The following NOP14 variants were observed in gnomAD, a reference collection of about 807,000 sequenced individuals.
NOP14 encodes NOP14 nucleolar protein.
NOP14 carries 57 observed loss-of-function variants against 101.6 expected under a neutral mutation model. The ratio of observed to expected loss-of-function variants is 0.56; its 90% CI spans 0.45 to 0.70. NOP14 has a LOEUF of 0.70. Among genes scored for constraint, NOP14 ranks in the 30% least tolerant of loss-of-function variants. The probability of loss-of-function intolerance (pLI) is 0.00; values close to 1 mark genes in which losing one functional copy is unlikely to be tolerated. For synonymous variants in NOP14, 428 were observed against 424.0 expected (o/e 1.01, Z -0.12); for missense variants, 1,134 against 1,075.5 (o/e 1.05, Z -0.76).
At position 2,938,594 on chromosome 4, in the gene NOP14, G is replaced by C. The variant is rs761095725; in HGVS notation, c.*237C>G. The C allele has an allele frequency of 5.9e-4, 311 of 527,212 alleles. 1 individual carries two copies. Among genetic ancestry groups the C allele is most frequent in the Non-Finnish European group, 9.7e-4 (288 of 296,174 alleles). The allele number at this position is 527,212 out of a possible 1,614,324, so 32.7% of individuals were successfully genotyped here. On this transcript the variant is annotated 3_prime_UTR_variant, in exon 18 of 18. Transcript: ENST00000416614. ...CTCAATCACGGCTCACTGTAACCTTGGACTCAGCTCAAGCAGTCCTCCTGC... is the reference window on the plus strand; with the variant it reads ...CTCAATCACGGCTCACTGTAACCTTCGACTCAGCTCAAGCAGTCCTCCTGC...
In NOP14 at chr4:2,939,326, T is replaced by A. The variant is rs1286887083; in HGVS notation, c.2336A>T (p.Lys779Ile). 1.2e-6 allele frequency: 2 copies of A among 1,614,082 alleles called. No individual in the cohort carries two copies. Among genetic ancestry groups the A allele is most frequent in the Admixed American group, 3.3e-5 (2 of 60,032 alleles). Residue 779 changes from lysine to isoleucine, a missense_variant, in exon 17 of 18, where the codon AAA becomes ATA. Coordinates refer to ENST00000416614, the MANE Select transcript of NOP14 (RefSeq NM_001291978.2). ...CTGTTCCTCCTTACTACTGCCTTGT[T>A]TTCTTCCAAACTCGAGGCTACAACC... ...RLVKVLEFGR[K>I]QGSSKEEQER...
intron 15 of NOP14, chr4:2,941,268 G>A: frequency 2.8e-6 from 1 of 362,790 alleles, no homozygotes; most frequent in Middle Eastern, 8.1e-4. Flanking sequence ...GCGCGGCTCA[G>A]AGCTGACTGT....
chr4:2,945,527 C>A (rs1037605082), intron 11 of NOP14, among the ~76,000 whole-genome samples: 1 of 152,246 alleles, frequency 6.6e-6, no homozygotes, highest in Admixed American at 6.5e-5. Flanking sequence ...CTAAGTCCTA[C>A]ATTTTTAAGC....
chr4:2,960,706 A>AT (rs1210307597), intron 1 of NOP14, among the ~76,000 whole-genome samples: 2 of 134,414 alleles, frequency 1.5e-5, no homozygotes, highest in African/African-American at 5.9e-5. Flanking sequence ...CATTAATATT[A>AT]ATATATTAAT....
At chr4:2,947,166 A>C in intron 10 of NOP14, 1 of 302,192 alleles carries the variant, frequency 3.3e-6, no homozygotes, top group Non-Finnish European at 6.2e-6. Flanking sequence ...GGTTTCACTG[A>C]AGGGTGAGGG....
intron 14 of NOP14, 114 bp downstream of exon 14, chr4:2,942,078 A>G: frequency 9.0e-7 from 1 of 1,117,202 alleles, no homozygotes; most frequent in Non-Finnish European, 1.3e-6. Flanking sequence ...CCATCAAACC[A>G]AACGGCCGGG....
rs1418926134 is a variant in NOP14 at position 2,963,376 on chromosome 4, T to C, written c.-57A>G. On this transcript the variant is annotated 5_prime_UTR_variant, in exon 1 of 18. Coordinates refer to ENST00000416614, the MANE Select transcript of NOP14 (RefSeq NM_001291978.2). ...GACCCGAAGAGAGACAGGCGCGCGC[T>C]ACCCTAAGACACGTGCCGGGCCGCG... The C allele has an allele frequency of 4.1e-6, 6 of 1,481,322 alleles. No individual in the cohort carries two copies. Among genetic ancestry groups the C allele is most frequent in the Non-Finnish European group, 5.3e-6 (6 of 1,121,972 alleles). The allele number at this position is 1,481,322 out of a possible 1,614,324, so 91.8% of individuals were successfully genotyped here. A position where few individuals can be genotyped will look rare whatever the true frequency, so the allele number is the denominator to read the frequency against.
At chr4:2,949,666 A>G (rs1714881509) in intron 8 of NOP14, among the ~76,000 whole-genome samples, 1 of 152,150 alleles carries the variant, frequency 6.6e-6, no homozygotes, top group Non-Finnish European at 1.5e-5. Flanking sequence ...GAGGCTGACC[A>G]TATACTAAAA....
At chr4:2,941,898 G>A (rs1014384322) in intron 14 of NOP14, 169 bp from the exon 15 acceptor site, 2 of 779,532 alleles carry the variant, frequency 2.6e-6, no homozygotes, top group Admixed American at 2.8e-5. Flanking sequence ...GGCAGGCTCA[G>A]GGTCAGGCCT....
At chr4:2,957,096 G>A (rs1041483825) in intron 2 of NOP14, among the ~76,000 whole-genome samples, 2 of 152,150 alleles carry the variant, frequency 1.3e-5, no homozygotes, top group Non-Finnish European at 2.9e-5. Context: ...CTGACTCCCT[G>A]GTTCAAGTGA....
In NOP14 at chr4:2,945,325, C is replaced by T. The variant is rs187747690; in HGVS notation, c.1636-96G>A. 2,516 of 927,348 alleles carry T rather than the reference C, an allele frequency of 2.7e-3. 14 individuals carry two copies. The Middle Eastern group carries it at 0.028, about 10-fold the overall frequency. 57.4% of individuals were successfully genotyped at this position (927,348 alleles called of 1,614,324 possible). ...CTCCGGAGCCAAGAACAGGATCTGG[C>T]GAGGAGAGGGTGCATCTCCTTGGCC... is the stretch of plus-strand genomic sequence containing the variant. On this transcript the variant is annotated intron_variant, in intron 11 of 17. Coordinates refer to ENST00000416614, the MANE Select transcript of NOP14 (RefSeq NM_001291978.2).
chr4:2,960,798 TAATATATTAATATTATAATCACATTATC>T (rs1560310906), intron 1 of NOP14, among the ~76,000 whole-genome samples: 12,253 of 121,098 alleles, frequency 0.1, 1,671 homozygotes, highest in African/African-American at 0.15. Flanking sequence ...ACATTAATAT[TAATATATTAATATTATAATCACATTATC>T]AATATATTAA....
intron 15 of NOP14, 194 bp downstream of exon 15, chr4:2,941,388 G>A (rs2109291510): frequency 5.1e-6 from 3 of 591,428 alleles, no homozygotes; most frequent in South Asian, 4.1e-5. Flanking sequence ...TGCAGCATCT[G>A]CTTTACTCCA....
intron 4 of NOP14, 44 bp downstream of exon 4, chr4:2,954,380 T>C: frequency 1.3e-6 from 2 of 1,596,866 alleles, no homozygotes; most frequent in Non-Finnish European, 1.7e-6. Context: ...TTGGTGAGCC[T>C]GTCTTACCGT....
At position 2,945,437 on chromosome 4, in the gene NOP14, T is replaced by C. The variant is rs1457515803; in HGVS notation, c.1636-208A>G. Among the ~76,000 whole-genome samples the C allele has an allele frequency of 3.9e-5, 6 of 152,186 alleles. No individual in the cohort carries two copies. The East Asian group carries it at 5.8e-4, about 15-fold the overall frequency. On this transcript the variant is annotated intron_variant, in intron 11 of 17. Coordinates refer to ENST00000416614, the MANE Select transcript of NOP14 (RefSeq NM_001291978.2). ...CGTGCAGTGAGGACACTGAGGCCCA[T>C]GAAGACTTCAAAGCAGTCAACAATG... is the stretch of plus-strand genomic sequence containing the variant.
rs987518949 is a variant in NOP14, at chr4:2,942,003, T to G, written c.2051+189A>C. 6.2e-6 allele frequency: 4 copies of G among 648,152 alleles called. No homozygotes were observed. The Admixed American group carries it at 9.1e-5, about 15-fold the overall frequency. The allele number at this position is 648,152 out of a possible 1,614,324, so 40.2% of individuals were successfully genotyped here. A position where few individuals can be genotyped will look rare whatever the true frequency, so the allele number is the denominator to read the frequency against. On this transcript the variant is annotated intron_variant, in intron 14 of 17. Transcript: ENST00000416614. ...ATTATGATTTGTGAAATCAAGCAAA[T>G]GTATTTTGAAAATGAAAAGAAAAAG... is the stretch of plus-strand genomic sequence containing the variant.
intron 1 of NOP14, 106 bp from the exon 2 acceptor site, chr4:2,957,846 G>C: frequency 8.6e-7 from 1 of 1,157,136 alleles, no homozygotes; most frequent in South Asian, 1.8e-5. Flanking sequence ...GCACAGTGAT[G>C]TCAAAGTTCA....
chr4:2,938,338 T>C lies in NOP14; in HGVS notation c.*493A>G, dbSNP rs534584680. ...GAATTCGAGACCAGCCTGACCAACA[T>C]GGAGAAACCCCGTCTCTACTAAAAA... On this transcript the variant is annotated 3_prime_UTR_variant, in exon 18 of 18. Coordinates refer to ENST00000416614, the MANE Select transcript of NOP14 (RefSeq NM_001291978.2). 81 of 581,076 alleles carry C rather than the reference T, an allele frequency of 1.4e-4. No individual in the cohort carries two copies. In the East Asian group the frequency reaches 3.2e-3, roughly 23 times the overall value. 36.0% of individuals were successfully genotyped at this position (581,076 alleles called of 1,614,324 possible).
chr4:2,953,429 T>C lies in NOP14; in HGVS notation c.747+82A>G, dbSNP rs1333973685. On this transcript the variant is annotated intron_variant, in intron 5 of 17. Coordinates refer to ENST00000416614, the MANE Select transcript of NOP14 (RefSeq NM_001291978.2). Reference sequence around the variant, plus strand: ...CTAAAGGAGACAGGTAGAAGAGCCGTCCAGCCCCAGCCCTTTCTCTGGAGA... The same window carrying C: ...CTAAAGGAGACAGGTAGAAGAGCCGCCCAGCCCCAGCCCTTTCTCTGGAGA... 3.3e-6 allele frequency: 5 copies of C among 1,511,730 alleles called. No individual in the cohort carries two copies. The East Asian group carries it at 1.1e-4, about 34-fold the overall frequency. 93.6% of individuals were successfully genotyped at this position (1,511,730 alleles called of 1,614,324 possible). A position where few individuals can be genotyped will look rare whatever the true frequency, so the allele number is the denominator to read the frequency against.
Sources: gnomAD v4.1 joint callset for allele counts (sites outside exome capture counted in the v4.1 genomes callset) on GRCh38, gnomAD v4.1.1 for gene constraint, MANE v1.5 for transcripts, NCBI Gene and HGNC (gene_info 2026-07-23, HGNC 2026-07-21) for gene names.